The following HPCAL1 variants were observed in gnomAD, a reference collection of about 807,000 sequenced individuals.
The protein encoded by HPCAL1 is hippocalcin-like protein 1.
Under a neutral mutation model 17.1 loss-of-function variants are expected in HPCAL1, and 8 were observed. The observed-to-expected ratio is 0.47, with a 90% confidence interval of 0.27 to 0.84. The LOEUF is 0.84. Among genes scored for constraint, HPCAL1 ranks in the 40% least tolerant of loss-of-function variants. The pLI is 0.13. For synonymous variants in HPCAL1, 112 were observed against 111.4 expected (o/e 1.01, Z -0.03); for missense variants, 165 against 271.1 (o/e 0.61, Z 2.75).
chr2:10,391,872 C>T (rs192824549), intron 1 of HPCAL1, among the ~76,000 whole-genome samples: 38 of 152,304 alleles, frequency 2.5e-4, no homozygotes, highest in South Asian at 8.3e-4. Context: ...CCTCAGCCTC[C>T]GGAGTAGCTG....
chr2:10,360,753 G>A (rs1192409619), intron 1 of HPCAL1, among the ~76,000 whole-genome samples: 1 of 152,048 alleles, frequency 6.6e-6, no homozygotes, highest in Non-Finnish European at 1.5e-5. Context: ...AATCTCCTGT[G>A]ATGGGAAACC....
intron 2 of HPCAL1, among the ~76,000 whole-genome samples, chr2:10,404,583 G>A (rs950747269): frequency 6.6e-6 from 1 of 152,228 alleles, no homozygotes; most frequent in Non-Finnish European, 1.5e-5. Flanking sequence ...CCCTGAGGCA[G>A]CCCCAGCCTC....
intron 1 of HPCAL1, among the ~76,000 whole-genome samples, chr2:10,369,792 G>C (rs538691809): frequency 6.6e-6 from 1 of 152,208 alleles, no homozygotes; most frequent in Non-Finnish European, 1.5e-5. Flanking sequence ...GGATCCACTA[G>C]GGAAAGCTGA....
Position 10,363,235 on chromosome 2 carries a change from G to T in HPCAL1, c.-110-33600G>T, listed in dbSNP as rs971669217. On this transcript the variant is annotated intron_variant, in intron 1 of 4. Transcript: ENST00000307845. This position sits in a 1 kb window ranked among gnomAD's most constrained non-coding sequence, Gnocchi z 4.7. ...GTTATTTTTTGTAAATGCATTAGGG[G>T]CGGAGTGGTGGGAGAGTGATTCCCC... is the stretch of plus-strand genomic sequence containing the variant. 3.3e-5 allele frequency among the ~76,000 whole-genome samples: 5 copies of T among 152,194 alleles called. No homozygotes were observed. The highest frequency in any genetic ancestry group is 9.6e-5 in the African/African-American group (4 of 41,460).
chr2:10,426,451 G>A (rs1671413410), intron 4 of HPCAL1: 2 of 425,966 alleles, frequency 4.7e-6, no homozygotes, highest in Admixed American at 7.4e-5. Flanking sequence ...ATTTCTAAAA[G>A]GATTTAAATG....
intron 2 of HPCAL1, among the ~76,000 whole-genome samples, chr2:10,398,420 C>T (rs886679529): frequency 6.6e-6 from 1 of 152,338 alleles, no homozygotes; most frequent in South Asian, 2.1e-4. Flanking sequence ...AATACTCAGC[C>T]AGGCTAAAAT....
intron 1 of HPCAL1, among the ~76,000 whole-genome samples, chr2:10,379,250 C>T (rs1053322019): frequency 2.0e-5 from 3 of 151,912 alleles, no homozygotes; most frequent in Non-Finnish European, 2.9e-5. Flanking sequence ...TTTCCAAAAA[C>T]CCGTGCCTCC....
At chr2:10,328,371 C>T (rs12105400) in intron 1 of HPCAL1, among the ~76,000 whole-genome samples, 19,815 of 152,186 alleles carry the variant, frequency 0.13, 1,760 homozygotes, top group African/African-American at 0.25. Flanking sequence ...TAATATCATG[C>T]GTCAGCCTGA....
At chr2:10,308,877 A>G (rs1662784281) in intron 1 of HPCAL1, among the ~76,000 whole-genome samples, 1 of 152,216 alleles carries the variant, frequency 6.6e-6, no homozygotes, top group African/African-American at 2.4e-5. Context: ...TGGCAAATCA[A>G]AAACAAAAAC....
intron 1 of HPCAL1, among the ~76,000 whole-genome samples, chr2:10,334,422 C>T (rs1353986577): frequency 6.6e-6 from 1 of 151,980 alleles, no homozygotes; most frequent in Non-Finnish European, 1.5e-5. Context: ...GTGGGAGGCT[C>T]TCCTGAGCCC....
At chr2:10,321,041 A>G (rs567617056) in intron 1 of HPCAL1, among the ~76,000 whole-genome samples, 1,722 of 152,286 alleles carry the variant, frequency 0.011, 34 homozygotes, top group African/African-American at 0.039. Context: ...GGTCATTAAT[A>G]AAGAAAAGAG....
Position 10,366,430 on chromosome 2 carries a change from T to C in HPCAL1, c.-110-30405T>C, listed in dbSNP as rs1166081641. 4.6e-5 allele frequency among the ~76,000 whole-genome samples: 7 copies of C among 152,240 alleles called. No homozygotes were observed. In the East Asian group the frequency reaches 7.7e-4, roughly 17 times the overall value. ...TTTGTATTTTTGGTAGAGACGGGGTTTCACCATGTTGGCCATGCTGGTCTC... is the reference window on the plus strand; with the variant it reads ...TTTGTATTTTTGGTAGAGACGGGGTCTCACCATGTTGGCCATGCTGGTCTC... On this transcript the variant is annotated intron_variant, in intron 1 of 4. Transcript: ENST00000307845.
intron 2 of HPCAL1, among the ~76,000 whole-genome samples, chr2:10,411,433 G>T (rs910409896): frequency 1.3e-5 from 2 of 152,162 alleles, no homozygotes; most frequent in Non-Finnish European, 2.9e-5. Flanking sequence ...AATCTTCACT[G>T]TGTCCTCCCC....
chr2:10,380,061 C>G (rs1356033616), intron 1 of HPCAL1, among the ~76,000 whole-genome samples: 1 of 150,712 alleles, frequency 6.6e-6, no homozygotes, highest in Non-Finnish European at 1.5e-5. Flanking sequence ...TTCAGAAAAG[C>G]TCTGCACAGA....
Position 10,362,911 on chromosome 2 carries a change from G to A in HPCAL1, c.-110-33924G>A, listed in dbSNP as rs1405326919. Among the ~76,000 whole-genome samples, 2 of 152,198 alleles carry A rather than the reference G, an allele frequency of 1.3e-5. No homozygotes were observed. The highest frequency in any genetic ancestry group is 2.9e-5 in the Non-Finnish European group (2 of 68,034). On this transcript the variant is annotated intron_variant, in intron 1 of 4. Transcript: ENST00000307845. This position sits in a 1 kb window ranked among gnomAD's most constrained non-coding sequence, Gnocchi z 5.0. The stretch of plus-strand genomic sequence containing the variant: ...GACCTCAGAGGACAGTCGGACTGGG[G>A]AATCCCTGGCCCAGAGAGGGAAACT...
intron 1 of HPCAL1, among the ~76,000 whole-genome samples, chr2:10,352,625 T>C (rs902915002): frequency 6.6e-6 from 1 of 152,230 alleles, no homozygotes; most frequent in Non-Finnish European, 1.5e-5. Flanking sequence ...GGTTCCTTGG[T>C]TGGGCCACGC....
intron 1 of HPCAL1, among the ~76,000 whole-genome samples, chr2:10,327,936 A>G (rs1435584818): frequency 1.3e-5 from 2 of 152,262 alleles, no homozygotes; most frequent in East Asian, 1.9e-4. Flanking sequence ...TGACTGATAT[A>G]TCAGAAGCTT....
chr2:10,349,702 CAAAAAAAAAAAAAAAAAAAAA>C (rs55897775), intron 1 of HPCAL1, among the ~76,000 whole-genome samples: 4 of 52,730 alleles, frequency 7.6e-5, no homozygotes, highest in African/African-American at 9.7e-5. Flanking sequence ...GACTCTGTCT[CAAAAAAAAAAAAAAAAAAAAA>C]AAAAAAAAAA....
chr2:10,415,126 G>A (rs895424589), intron 2 of HPCAL1, among the ~76,000 whole-genome samples: 1 of 152,172 alleles, frequency 6.6e-6, no homozygotes, highest in Non-Finnish European at 1.5e-5. Context: ...GGGACATAGC[G>A]CAGAGTGGGA....
Sources: gnomAD v4.1 joint callset for allele counts (sites outside exome capture counted in the v4.1 genomes callset) on GRCh38, gnomAD v4.1.1 for gene constraint, Gnocchi (gnomAD v3.1) non-coding constraint, MANE v1.5 for transcripts, NCBI Gene and HGNC (gene_info 2026-07-23, HGNC 2026-07-21) for gene names.